Variants in IQSEC2 observed in about 807,000 individuals in gnomAD.
IQSEC2 encodes IQ motif and SEC7 domain-containing protein 2.
In IQSEC2, 6 loss-of-function variants were observed where a neutral mutation model predicts 74.6. The observed-to-expected ratio is 0.08, with a 90% CI of 0.04 to 0.16. The LOEUF is 0.16. Among genes scored for constraint, IQSEC2 ranks in the 10% least tolerant of loss-of-function variants. The pLI is 1.00. For missense variants in IQSEC2, 734 were observed against 1,306.2 expected (o/e 0.56, Z 6.75); for synonymous variants, 494 against 544.5 (o/e 0.91, Z 1.29).
chrX:53,279,932 A>AT, intron 2 of IQSEC2, among the ~76,000 whole-genome samples: 1 of 90,549 alleles, frequency 1.1e-5, no homozygotes, highest in African/African-American at 4.5e-5. Flanking sequence ...GGAGGGAGGG[A>AT]GGAAGGAAGG....
chrX:53,287,421 C>G (rs2075043933), intron 2 of IQSEC2, among the ~76,000 whole-genome samples: 1 of 112,902 alleles, frequency 8.9e-6, no homozygotes. Flanking sequence ...CACGCTCACA[C>G]ACACTGACAT....
intron 1 of IQSEC2, among the ~76,000 whole-genome samples, chrX:53,302,104 G>A (rs2075216713): frequency 8.9e-6 from 1 of 111,913 alleles, no homozygotes; most frequent in African/African-American, 3.3e-5. Flanking sequence ...TTGTTGGGAG[G>A]ATTATGGTTA....
chrX:53,254,098 T>C (rs782665439), intron 4 of IQSEC2, among the ~76,000 whole-genome samples: 63 of 111,588 alleles, frequency 5.6e-4, no homozygotes, highest in Admixed American at 1.7e-3. Flanking sequence ...CCGGAGGTGA[T>C]GGCAGGTGGA....
intron 11 of IQSEC2, among the ~76,000 whole-genome samples, chrX:53,238,692 TCTA>T (rs1167845491): frequency 9.2e-6 from 1 of 108,737 alleles, no homozygotes; most frequent in Admixed American, 1.0e-4. Context: ...AAATAATTTT[TCTA>T]CTGTCTAACT....
chrX:53,247,285 G>C (rs1272929401), intron 7 of IQSEC2, 150 bp from the exon 8 acceptor site: 1 of 518,986 alleles, frequency 1.9e-6, no homozygotes, highest in African/African-American at 2.3e-5. Context: ...CCCTAGACCA[G>C]CATGTAAAAA....
At chrX:53,247,942 G>GAT (rs2074331940) in intron 7 of IQSEC2, among the ~76,000 whole-genome samples, 172 bp downstream of exon 7, 1 of 112,441 alleles carries the variant, frequency 8.9e-6, no homozygotes, top group South Asian at 3.7e-4. Context: ...GGCTGAGCTA[G>GAT]ATACTTTATA....
In IQSEC2 at chrX:53,274,452, C is replaced by CTTTTTTTTT. The variant is rs66510453; in HGVS notation, c.737+17434_737+17442dup. ...GCACTTCATTGCTTTAGTTACATTT[C>CTTTTTTTTT]TTTTTTTTTTTTTTTTTTTTTTTTT... On this transcript the variant is annotated intron_variant, in intron 2 of 14. Coordinates refer to ENST00000642864, the MANE Select transcript of IQSEC2 (RefSeq NM_001111125.3). Among the ~76,000 whole-genome samples the CTTTTTTTTT allele has an allele frequency of 6.4e-4, 30 of 47,121 alleles. 7 individuals carry two copies. Among genetic ancestry groups the CTTTTTTTTT allele is most frequent in the African/African-American group, 9.7e-4 (10 of 10,287 alleles). 40.9% of individuals were successfully genotyped at this position (47,121 alleles called of 115,157 possible).
chrX:53,299,330 A>G (rs1263710998), intron 1 of IQSEC2, among the ~76,000 whole-genome samples: 1 of 112,213 alleles, frequency 8.9e-6, no homozygotes, highest in Non-Finnish European at 1.9e-5. Context: ...CTCTGTGTGC[A>G]GGTGGGGCTT....
chrX:53,235,980 G>A (rs868970762), intron 13 of IQSEC2, 148 bp from the exon 14 acceptor site: 19 of 539,199 alleles, frequency 3.5e-5, no homozygotes, highest in Middle Eastern at 5.3e-4. Flanking sequence ...GAGGCGGGGA[G>A]GAGGAGAGGT....
At chrX:53,247,913 C>T (rs782244417) in intron 7 of IQSEC2, among the ~76,000 whole-genome samples, 2 of 112,443 alleles carry the variant, frequency 1.8e-5, no homozygotes, top group South Asian at 3.7e-4. Flanking sequence ...TGTCACTTAT[C>T]GAATGCCCAT....
At chrX:53,277,739 T>C (rs781814643) in intron 2 of IQSEC2, among the ~76,000 whole-genome samples, 3 of 106,299 alleles carry the variant, frequency 2.8e-5, no homozygotes, top group East Asian at 6.3e-4. Flanking sequence ...GGTACGATCT[T>C]GGCTCACTGC....
rs1057521944 is a variant in IQSEC2 at position 53,234,206 on chromosome X, C to G, written c.*13G>C. On this transcript the variant is annotated 3_prime_UTR_variant, in exon 15 of 15. Transcript: ENST00000642864. ...CCAGACTTTCCTGTTCCCCAGCTCA[C>G]TCTCTCCATTCATCAGACCACGGTG... The G allele has an allele frequency of 8.9e-6, 8 of 897,094 alleles. No homozygotes were observed. The highest frequency in any genetic ancestry group is 1.0e-5 in the Non-Finnish European group (7 of 669,003). 73.9% of individuals were successfully genotyped at this position (897,094 alleles called of 1,213,427 possible).
At chrX:53,248,004 C>A in intron 7 of IQSEC2, 110 bp downstream of exon 7, 1 of 949,881 alleles carries the variant, frequency 1.1e-6, no homozygotes, top group Non-Finnish European at 1.5e-6. Context: ...TTTATCATCT[C>A]TGTTTTATGG....
intron 1 of IQSEC2, among the ~76,000 whole-genome samples, chrX:53,296,039 A>ATT (rs1351840124): frequency 1.1e-4 from 11 of 102,100 alleles, no homozygotes; most frequent in African/African-American, 3.5e-4. Context: ...ACAGAAGTAG[A>ATT]TTTTTTTTTT....
At chrX:53,309,257 T>C (rs1462048889) in intron 1 of IQSEC2, among the ~76,000 whole-genome samples, 1 of 111,926 alleles carries the variant, frequency 8.9e-6, no homozygotes, top group Non-Finnish European at 1.9e-5. Context: ...TTTAGAGATA[T>C]GAAGTTACCG....
rs1372648865 is a variant in IQSEC2, at chrX:53,243,598, G to A, written c.2750-127C>T. The A allele has an allele frequency of 5.2e-6, 5 of 954,214 alleles. No homozygotes were observed. The African/African-American group carries it at 6.0e-5, about 11-fold the overall frequency. 78.6% of individuals were successfully genotyped at this position (954,214 alleles called of 1,213,427 possible). On this transcript the variant is annotated intron_variant, in intron 8 of 14. Coordinates refer to ENST00000642864, the MANE Select transcript of IQSEC2 (RefSeq NM_001111125.3). ...GGACTGAGGGTCAATGGGTACCCTC[G>A]GCCCCTTAGCCAGGATTGGGGCAGG... is the stretch of plus-strand genomic sequence containing the variant.
At chrX:53,304,387 G>T (rs1039736475) in intron 1 of IQSEC2, among the ~76,000 whole-genome samples, 5 of 111,785 alleles carry the variant, frequency 4.5e-5, no homozygotes, top group African/African-American at 1.6e-4. Flanking sequence ...TGGCGGTAAA[G>T]GACAAAATGA....
intron 2 of IQSEC2, among the ~76,000 whole-genome samples, chrX:53,274,555 G>A (rs1229289628): frequency 6.9e-5 from 6 of 87,218 alleles, no homozygotes; most frequent in Admixed American, 1.7e-4. Context: ...TCCGCCTCCC[G>A]GGTTCACGCC....
intron 1 of IQSEC2, among the ~76,000 whole-genome samples, chrX:53,299,413 C>T (rs1015595641): frequency 4.5e-5 from 5 of 111,471 alleles, no homozygotes; most frequent in East Asian, 2.8e-4. Context: ...TTCCAAATGT[C>T]GGCTTTTGGA....
Sources: allele counts gnomAD v4.1 joint callset (sites outside exome capture counted in the v4.1 genomes callset), GRCh38; gene constraint gnomAD v4.1.1; transcripts MANE v1.5; gene names NCBI Gene and HGNC (gene_info 2026-07-23, HGNC 2026-07-21).